Variants in TUBGCP4 observed in about 807,000 individuals in gnomAD.
The protein encoded by TUBGCP4 is gamma-tubulin complex component 4.
In TUBGCP4, 54 loss-of-function variants were observed where a neutral mutation model predicts 91.6. The ratio of observed to expected loss-of-function variants is 0.59; its 90% CI spans 0.47 to 0.74. TUBGCP4 has a LOEUF of 0.74. Among genes scored for constraint, TUBGCP4 ranks in the 30% least tolerant of loss-of-function variants. TUBGCP4 has a pLI of 0.00. For synonymous variants in TUBGCP4, 297 were observed against 302.8 expected, an observed-to-expected ratio of 0.98 and a Z score of 0.20; for missense variants, 593 against 800.9, an observed-to-expected ratio of 0.74 and a Z score of 3.13.
intron 1 of TUBGCP4, among the ~76,000 whole-genome samples, chr15:43,372,331 T>G (rs950566366): frequency 6.6e-6 from 1 of 152,226 alleles, no homozygotes; most frequent in African/African-American, 2.4e-5. Context: ...AAGTACATTC[T>G]TAGTCTATAA....
chr15:43,384,696 A>C (rs2044330079), intron 7 of TUBGCP4, among the ~76,000 whole-genome samples: 1 of 152,234 alleles, frequency 6.6e-6, no homozygotes, highest in East Asian at 1.9e-4. Context: ...GCATGTAAAC[A>C]GTGGAAATGA....
Position 43,371,892 on chromosome 15 carries a change from A to G in TUBGCP4, c.78+460A>G, listed in dbSNP as rs937302763. The stretch of plus-strand genomic sequence containing the variant: ...GTGTTTCCCTCATTACTCCTTTACC[A>G]GAAAATTTCTGCACTAGGTAAAGCA... On this transcript the variant is annotated intron_variant, in intron 1 of 17. Coordinates refer to ENST00000564079, the MANE Select transcript of TUBGCP4 (RefSeq NM_014444.5). 5.9e-5 allele frequency among the ~76,000 whole-genome samples: 9 copies of G among 152,300 alleles called. No individual in the cohort carries two copies. The South Asian group carries it at 1.0e-3, about 18-fold the overall frequency.
intron 14 of TUBGCP4, among the ~76,000 whole-genome samples, chr15:43,401,266 C>T (rs1162492148): frequency 1.3e-5 from 2 of 151,664 alleles, no homozygotes; most frequent in Non-Finnish European, 2.9e-5. Context: ...ACCTGGCCAA[C>T]ATAGTGAAAC....
In TUBGCP4 at chr15:43,407,412, T is replaced by C. The variant is rs1464094574; in HGVS notation, c.*2198T>C. The C allele has an allele frequency of 4.3e-6, 7 of 1,614,086 alleles. No individual in the cohort carries two copies. The highest frequency in any genetic ancestry group is 5.9e-6 in the Non-Finnish European group (7 of 1,180,042). On this transcript the variant is annotated 3_prime_UTR_variant, in exon 18 of 18. Coordinates refer to ENST00000564079, the MANE Select transcript of TUBGCP4 (RefSeq NM_014444.5). ...TGAGAAACATAATCGTGTTTATATT[T>C]TGGATGCTGCTTGAATCCAATTCTC...
chr15:43,377,636 GA>G (rs2044227833), intron 4 of TUBGCP4: 13 of 413,620 alleles, frequency 3.1e-5, no homozygotes, highest in East Asian at 5.0e-5. Context: ...AAAGAAAAAA[GA>G]AAAAAAAGAA....
Position 43,409,051 on chromosome 15 carries a change from G to A in TUBGCP4, c.*3837G>A, listed in dbSNP as rs745781646. On this transcript the variant is annotated 3_prime_UTR_variant, in exon 18 of 18. Transcript: ENST00000564079. ...AGGCACAGGAAGTACTTCCGGGTTC[G>A]ACAATGCTGATCCGCAATTAGAAGA... is the stretch of plus-strand genomic sequence containing the variant. 2 of 1,614,160 alleles carry A rather than the reference G, an allele frequency of 1.2e-6. No homozygotes were observed. Among genetic ancestry groups the A allele is most frequent in the Non-Finnish European group, 8.5e-7 (1 of 1,180,024 alleles).
At chr15:43,376,273 A>G (rs2044203969) in intron 2 of TUBGCP4, 47 bp downstream of exon 2, 28 of 1,609,912 alleles carry the variant, frequency 1.7e-5, no homozygotes, top group Non-Finnish European at 2.3e-5. Flanking sequence ...GGCAGGAGCT[A>G]TGTCAAGCTT....
chr15:43,400,267 C>T lies in TUBGCP4; in HGVS notation c.1596+46C>T, dbSNP rs769234973. ...AGAAGGAAGGGGTACGGAAAAACGT[C>T]TAGGAGGTTGGCAGGGAGTATTGAA... On this transcript the variant is annotated intron_variant, in intron 14 of 17. Transcript: ENST00000564079. 3 of 1,563,508 alleles carry T rather than the reference C, an allele frequency of 1.9e-6. No individual in the cohort carries two copies. The Admixed American group carries it at 5.1e-5, about 26-fold the overall frequency.
chr15:43,377,788 T>G, intron 4 of TUBGCP4, 59 bp from the exon 5 acceptor site: 2 of 1,335,980 alleles, frequency 1.5e-6, no homozygotes, highest in South Asian at 2.5e-5. Context: ...ATTTCCCAAG[T>G]TGATTTTTTT....
intron 1 of TUBGCP4, among the ~76,000 whole-genome samples, chr15:43,374,743 C>T (rs1465260747): frequency 2.6e-5 from 4 of 152,158 alleles, no homozygotes; most frequent in South Asian, 2.1e-4. Flanking sequence ...TATTCACAAT[C>T]GCTGAGAGGT....
At position 43,408,744 on chromosome 15, in the gene TUBGCP4, AGAT is replaced by A; in HGVS notation, c.*3531_*3533del. On this transcript the variant is annotated 3_prime_UTR_variant, in exon 18 of 18. Transcript: ENST00000564079. ...CCAATGTAACCTAGGGAAATAAACT[AGAT>A]AAACTCCTGAAGTCATTTCAAACCC... 1.4e-6 allele frequency: 1 copy of A among 709,408 alleles called. No homozygotes were observed. Among genetic ancestry groups the A allele is most frequent in the Non-Finnish European group, 2.3e-6 (1 of 431,318 alleles). 43.9% of individuals were successfully genotyped at this position (709,408 alleles called of 1,614,324 possible).
intron 9 of TUBGCP4, among the ~76,000 whole-genome samples, chr15:43,393,760 T>C (rs890784210): frequency 1.3e-5 from 2 of 152,178 alleles, no homozygotes; most frequent in African/African-American, 4.8e-5. Context: ...TCCATGTCCC[T>C]ACAAAGGACA....
At chr15:43,372,523 A>G (rs2044139558) in intron 1 of TUBGCP4, among the ~76,000 whole-genome samples, 1 of 151,350 alleles carries the variant, frequency 6.6e-6, no homozygotes, top group Admixed American at 6.6e-5. Flanking sequence ...CATAGATCTT[A>G]GTACAATGCC....
chr15:43,405,457 A>G lies in TUBGCP4; in HGVS notation c.*243A>G. 3.5e-6 allele frequency: 2 copies of G among 571,980 alleles called. No individual in the cohort carries two copies. Among genetic ancestry groups the G allele is most frequent in the Non-Finnish European group, 6.2e-6 (2 of 321,252 alleles). 35.4% of individuals were successfully genotyped at this position (571,980 alleles called of 1,614,324 possible). A position where few individuals can be genotyped will look rare whatever the true frequency, so the allele number is the denominator to read the frequency against. ...ATCTCTGATCCTTTACATTGAGAAC[A>G]TTTGTTGGATATGTTCATTTATTCA... On this transcript the variant is annotated 3_prime_UTR_variant, in exon 18 of 18. Transcript: ENST00000564079.
At chr15:43,384,034 G>A (rs1195143606) in intron 7 of TUBGCP4, among the ~76,000 whole-genome samples, 1 of 152,176 alleles carries the variant, frequency 6.6e-6, no homozygotes, top group Non-Finnish European at 1.5e-5. Flanking sequence ...GGCTGGTCTC[G>A]AACGCCTGAC....
chr15:43,395,778 A>G lies in TUBGCP4; in HGVS notation c.1171+90A>G, dbSNP rs1323528812. The G allele has an allele frequency of 4.9e-6, 5 of 1,028,416 alleles. No homozygotes were observed. The East Asian group carries it at 7.3e-5, about 15-fold the overall frequency. 63.7% of individuals were successfully genotyped at this position (1,028,416 alleles called of 1,614,324 possible). A position where few individuals can be genotyped will look rare whatever the true frequency, so the allele number is the denominator to read the frequency against. On this transcript the variant is annotated intron_variant, in intron 11 of 17. Transcript: ENST00000564079. ...CTGACCCTTTTAAGGCCTGCTCCAC[A>G]TAAGAGCAGCCTGATGAGTTACAGA...
chr15:43,389,457 T>C (rs1169701024), intron 9 of TUBGCP4, among the ~76,000 whole-genome samples: 1 of 152,138 alleles, frequency 6.6e-6, no homozygotes, highest in African/African-American at 2.4e-5. Context: ...ACTCCTCGGC[T>C]CAGGTGGTCC....
At chr15:43,378,001 G>A in intron 5 of TUBGCP4, 98 bp downstream of exon 5, 1 of 924,428 alleles carries the variant, frequency 1.1e-6, no homozygotes. Flanking sequence ...CTAGTTTTTA[G>A]TAGTTTTTAT....
At position 43,408,209 on chromosome 15, in the gene TUBGCP4, G is replaced by T; in HGVS notation, c.*2995G>T. 9.7e-7 allele frequency: 1 copy of T among 1,033,072 alleles called. No homozygotes were observed. Among genetic ancestry groups the T allele is most frequent in the Non-Finnish European group, 1.4e-6 (1 of 721,480 alleles). 64.0% of individuals were successfully genotyped at this position (1,033,072 alleles called of 1,614,324 possible). A position where few individuals can be genotyped will look rare whatever the true frequency, so the allele number is the denominator to read the frequency against. On this transcript the variant is annotated 3_prime_UTR_variant, in exon 18 of 18. Transcript: ENST00000564079. ...AAATAAATGCCCCATCAGACATAGT[G>T]TCTCAAGCCTGTAATCCCAGCACTT...
Sources: gnomAD v4.1 joint callset for allele counts (sites outside exome capture counted in the v4.1 genomes callset) on GRCh38, gnomAD v4.1.1 for gene constraint, MANE v1.5 for transcripts, NCBI Gene and HGNC (gene_info 2026-07-23, HGNC 2026-07-21) for gene names.